TANC2: variants seen among roughly 807,000 people sequenced by gnomAD.
The protein encoded by TANC2 is tetratricopeptide repeat, ankyrin repeat and coiled-coil containing 2.
A neutral mutation model predicts 210.5 loss-of-function variants in TANC2; 26 were observed. That is an observed-to-expected ratio of 0.12 (90% CI 0.09 to 0.17). The LOEUF (loss-of-function observed/expected upper bound fraction) is 0.17. Ranked by LOEUF, TANC2 falls within the 10% of genes least tolerant of loss-of-function variation. TANC2 has a pLI of 1.00. For synonymous variants in TANC2, 931 were observed against 967.1 expected (o/e 0.96, Z 0.69); for missense variants, 2,129 against 2,608.9 (o/e 0.82, Z 4.01).
At position 63,251,898 on chromosome 17, in the gene TANC2, T is replaced by C. The variant is rs1312241007; in HGVS notation, c.1033+13821T>C. On this transcript the variant is annotated intron_variant, in intron 8 of 27. Coordinates refer to ENST00000689528, the Ensembl canonical transcript of TANC2. ...ATATTTACTATATTTCTTGGTTTTG[T>C]GAAATAAATCAAGGCGATAGAATAG... Among the ~76,000 whole-genome samples the C allele has an allele frequency of 5.9e-5, 9 of 152,322 alleles. No individual in the cohort carries two copies. The East Asian group carries it at 1.7e-3, about 29-fold the overall frequency.
At chr17:63,378,510 C>G (rs1052949298) in intron 14 of TANC2, among the ~76,000 whole-genome samples, 1 of 152,174 alleles carries the variant, frequency 6.6e-6, no homozygotes, top group Non-Finnish European at 1.5e-5. Context: ...TATTTTTCTG[C>G]AATTCTTTTA....
intron 7 of TANC2, among the ~76,000 whole-genome samples, chr17:63,235,738 T>A (rs79025698): frequency 0.026 from 3,929 of 151,836 alleles, 54 homozygotes; most frequent in African/African-American, 0.032. Context: ...AGGTCTCTTC[T>A]TTTGGCAATA....
chr17:63,163,470 A>G (rs892157867), intron 5 of TANC2, among the ~76,000 whole-genome samples: 1 of 152,198 alleles, frequency 6.6e-6, no homozygotes, highest in Admixed American at 6.5e-5. Flanking sequence ...CCTGAAGTCT[A>G]GGGAAACTAC....
chr17:63,354,763 C>G lies in TANC2; in HGVS notation c.1975-20C>G. 1.3e-6 allele frequency: 2 copies of G among 1,536,838 alleles called. No homozygotes were observed. Among genetic ancestry groups the G allele is most frequent in the South Asian group, 1.3e-5 (1 of 76,516 alleles). ...AAACTGAAGGTCTTTCTGTCTCTTT[C>G]TCTCTCTCCATCTTTTTAGGAAATT... On this transcript the variant is annotated intron_variant, in intron 13 of 27. Coordinates refer to ENST00000689528, the Ensembl canonical transcript of TANC2.
intron 9 of TANC2, among the ~76,000 whole-genome samples, chr17:63,274,639 C>T (rs905796409): frequency 6.6e-6 from 1 of 151,920 alleles, no homozygotes; most frequent in Non-Finnish European, 1.5e-5. Context: ...CATGGTAAAA[C>T]CCCATCTCTA....
intron 1 of TANC2, among the ~76,000 whole-genome samples, chr17:62,991,829 G>A (rs2032885503): frequency 6.6e-6 from 1 of 152,016 alleles, no homozygotes; most frequent in Admixed American, 6.6e-5. Flanking sequence ...AGACTGACTA[G>A]GACCCTAAAG....
At chr17:63,313,507 T>C (rs1324300761) in intron 9 of TANC2, 1 of 152,156 alleles carries the variant, frequency 6.6e-6, no homozygotes, top group Non-Finnish European at 1.5e-5. Context: ...TCTTGGCCCT[T>C]AGCACACCCC....
At chr17:63,237,160 T>G (rs1455371376) in intron 7 of TANC2, among the ~76,000 whole-genome samples, 2 of 152,198 alleles carry the variant, frequency 1.3e-5, no homozygotes. Context: ...TTTTGATTTT[T>G]TAATAGTAGC....
At chr17:63,005,303 T>G (rs1207998741) in intron 1 of TANC2, among the ~76,000 whole-genome samples, 1 of 152,184 alleles carries the variant, frequency 6.6e-6, no homozygotes, top group East Asian at 1.9e-4. Context: ...ATCTACTTGT[T>G]AGTACTTCTG....
At chr17:63,205,596 C>T (rs2041684243) in intron 7 of TANC2, among the ~76,000 whole-genome samples, 1 of 151,930 alleles carries the variant, frequency 6.6e-6, no homozygotes. Flanking sequence ...TTTTGTGCAT[C>T]AAATGATACT....
chr17:63,078,602 T>A (rs1334905341), intron 3 of TANC2, among the ~76,000 whole-genome samples: 1 of 152,180 alleles, frequency 6.6e-6, no homozygotes, highest in East Asian at 1.9e-4. Context: ...TAAGTAGTAT[T>A]TTCATTTAGT....
chr17:63,233,561 G>T (rs560741956), intron 7 of TANC2, among the ~76,000 whole-genome samples: 1 of 152,302 alleles, frequency 6.6e-6, no homozygotes, highest in Admixed American at 6.5e-5. Flanking sequence ...TGCCTAGTCA[G>T]TCCCAATAAG....
chr17:62,985,518 A>C (rs1424228319), intron 1 of TANC2, among the ~76,000 whole-genome samples: 1 of 152,044 alleles, frequency 6.6e-6, no homozygotes, highest in Non-Finnish European at 1.5e-5. Flanking sequence ...ATATTTGCTC[A>C]CTTAAAGGTG....
intron 4 of TANC2, chr17:63,148,761 C>T (rs2039547172): frequency 3.3e-5 from 5 of 152,136 alleles, no homozygotes; most frequent in Admixed American, 3.3e-4. Flanking sequence ...CATGAATCAT[C>T]TTATGTACCA....
At chr17:63,221,894 T>C (rs555653167) in intron 7 of TANC2, among the ~76,000 whole-genome samples, 42 of 152,184 alleles carry the variant, frequency 2.8e-4, no homozygotes, top group Non-Finnish European at 5.6e-4. Context: ...ATGCTATTCC[T>C]AGGTATGTAC....
At chr17:63,042,752 G>C (rs72843170) in intron 2 of TANC2, among the ~76,000 whole-genome samples, 4 of 151,862 alleles carry the variant, frequency 2.6e-5, no homozygotes, top group African/African-American at 9.7e-5. Flanking sequence ...TTTATGAATC[G>C]TTCAGATTCA....
chr17:62,995,768 G>T (rs1199352873), intron 1 of TANC2, among the ~76,000 whole-genome samples: 1 of 152,144 alleles, frequency 6.6e-6, no homozygotes, highest in Non-Finnish European at 1.5e-5. Context: ...AAGCTCTTCA[G>T]TGCAGTTCAA....
chr17:63,240,304 T>C (rs1291409961), intron 8 of TANC2, among the ~76,000 whole-genome samples: 3 of 152,210 alleles, frequency 2.0e-5, no homozygotes, highest in African/African-American at 7.2e-5. Flanking sequence ...AAGCTTTGTC[T>C]CAATGAGTGG....
intron 4 of TANC2, among the ~76,000 whole-genome samples, chr17:63,133,318 G>T (rs1598448620): frequency 6.6e-6 from 1 of 151,346 alleles, no homozygotes; most frequent in Admixed American, 6.6e-5. Context: ...TATTGGCCAG[G>T]CTGGTCTCAA....
Sources: gnomAD v4.1 joint callset for allele counts (sites outside exome capture counted in the v4.1 genomes callset) on GRCh38, gnomAD v4.1.1 for gene constraint, MANE v1.5 for transcripts, NCBI Gene and HGNC (gene_info 2026-07-23, HGNC 2026-07-21) for gene names.